GLI3: variants seen among roughly 807,000 people sequenced by gnomAD.
GLI3 encodes GLI family zinc finger 3.
In GLI3, 20 loss-of-function variants were observed where a neutral mutation model predicts 100.8. The ratio of observed to expected loss-of-function variants is 0.20; its 90% CI spans 0.14 to 0.29. The LOEUF (loss-of-function observed/expected upper bound fraction) is 0.29. Ranked by LOEUF, GLI3 falls within the 10% of genes least tolerant of loss-of-function variation. The pLI, the probability that GLI3 is intolerant of heterozygous loss-of-function variation, is 1.00. For synonymous variants in GLI3, 938 were observed against 860.5 expected (o/e 1.09, Z -1.58); for missense variants, 2,040 against 2,128.5 (o/e 0.96, Z 0.82).
chr7:42,153,732 G>A (rs749193939), intron 2 of GLI3, among the ~76,000 whole-genome samples: 1 of 152,160 alleles, frequency 6.6e-6, no homozygotes, highest in Non-Finnish European at 1.5e-5. Context: ...ACGTTCAAAT[G>A]AATTAAAATA....
At chr7:42,087,729 T>C (rs1785132295) in intron 3 of GLI3, among the ~76,000 whole-genome samples, 1 of 146,310 alleles carries the variant, frequency 6.8e-6, no homozygotes, top group South Asian at 2.2e-4. Flanking sequence ...TTTTTTTTTT[T>C]CATCAATAAC....
intron 2 of GLI3, among the ~76,000 whole-genome samples, chr7:42,161,067 C>T (rs982134315): frequency 1.3e-5 from 2 of 152,052 alleles, no homozygotes; most frequent in South Asian, 2.1e-4. Context: ...GAAATTTTCC[C>T]GAGGAATACA....
intron 2 of GLI3, among the ~76,000 whole-genome samples, chr7:42,192,450 G>A (rs1214666141): frequency 6.6e-6 from 1 of 151,862 alleles, no homozygotes; most frequent in East Asian, 1.9e-4. Context: ...CCTGAGACAA[G>A]GTATAGATAA....
intron 3 of GLI3, among the ~76,000 whole-genome samples, chr7:42,101,427 C>T (rs2128761980): frequency 6.6e-6 from 1 of 152,150 alleles, no homozygotes; most frequent in East Asian, 1.9e-4. Flanking sequence ...ACGTCAAGAC[C>T]TGGTCTCTAC....
chr7:42,235,672 A>AT (rs1446848960), intron 1 of GLI3, among the ~76,000 whole-genome samples: 2 of 152,164 alleles, frequency 1.3e-5, no homozygotes, highest in Non-Finnish European at 2.9e-5. Flanking sequence ...AGCAGGAGGT[A>AT]TTTTTTAGAA....
chr7:42,262,825 T>A, intron 1 of GLI3, among the ~76,000 whole-genome samples: 1 of 152,344 alleles, frequency 6.6e-6, no homozygotes, highest in South Asian at 2.1e-4. Flanking sequence ...TACATACATT[T>A]TATTTATCTT....
At chr7:42,049,611 C>G (rs755352218) in intron 4 of GLI3, among the ~76,000 whole-genome samples, 1 of 152,204 alleles carries the variant, frequency 6.6e-6, no homozygotes, top group Non-Finnish European at 1.5e-5. Flanking sequence ...CTTGCTACCA[C>G]GATATCCTGA....
chr7:41,977,771 GC>G, intron 11 of GLI3, 49 bp from the exon 12 acceptor site: 1 of 1,528,436 alleles, frequency 6.5e-7, no homozygotes, highest in Non-Finnish European at 9.1e-7. Flanking sequence ...GGCAACAGCA[GC>G]TTATGCCTAA....
chr7:42,124,587 C>G (rs1019102082), intron 3 of GLI3, among the ~76,000 whole-genome samples: 2 of 152,134 alleles, frequency 1.3e-5, no homozygotes, highest in African/African-American at 4.8e-5. Context: ...CATCTCTGTC[C>G]CCAACCAAGT....
chr7:42,128,905 A>G (rs1223921105), intron 3 of GLI3, among the ~76,000 whole-genome samples: 1 of 152,236 alleles, frequency 6.6e-6, no homozygotes, highest in Admixed American at 6.5e-5. Context: ...TCAAGGTCAC[A>G]CTGCCAGAAG....
chr7:42,062,029 T>C (rs1230978797), intron 4 of GLI3, among the ~76,000 whole-genome samples: 1 of 152,146 alleles, frequency 6.6e-6, no homozygotes, highest in African/African-American at 2.4e-5. Context: ...ATTCATCTGA[T>C]TGGAAATGTC....
intron 1 of GLI3, among the ~76,000 whole-genome samples, chr7:42,231,152 G>C (rs1359844749): frequency 6.6e-6 from 1 of 152,190 alleles, no homozygotes; most frequent in Non-Finnish European, 1.5e-5. Flanking sequence ...GGAGTAGAGT[G>C]TATGTTCCAT....
intron 3 of GLI3, among the ~76,000 whole-genome samples, chr7:42,144,541 C>CT (rs552035297): frequency 3.0e-4 from 45 of 148,230 alleles, no homozygotes; most frequent in Non-Finnish European, 4.5e-4. Context: ...TTTCTTTTTT[C>CT]TTTTTTTTTT....
rs763631985 is a variant in GLI3 at position 41,964,951 on chromosome 7, C to G, written c.4122G>C (p.Pro1374=). 4 of 1,613,634 alleles carry G rather than the reference C, an allele frequency of 2.5e-6. No individual in the cohort carries two copies. Among genetic ancestry groups the G allele is most frequent in the African/African-American group, 1.3e-5 (1 of 74,944 alleles). The change falls in exon 15 of 15, where the codon CCG becomes CCC. Residue 1374 remains proline (P), a synonymous_variant. Coordinates refer to ENST00000395925, the MANE Select transcript of GLI3 (RefSeq NM_000168.6). ...AGCCCCTGACAACTGCCAAGCTTGACGGCTGGCTGCCCATGCCGTGAGCCC... is the reference window on the plus strand; with the variant it reads ...AGCCCCTGACAACTGCCAAGCTTGAGGGCTGGCTGCCCATGCCGTGAGCCC... ...LPGAHGMGSQ[P]SSLAVVRGYQ...
Position 42,113,892 on chromosome 7 carries a change from C to T in GLI3, c.367+34334G>A, listed in dbSNP as rs1334353635. ...TGGCTCCCAGGAGGAGGGGGGACTC[C>T]CTGACTTTGATACACATGTCCACCT... On this transcript the variant is annotated intron_variant, in intron 3 of 14. Transcript: ENST00000395925. Among the ~76,000 whole-genome samples, 6 of 152,142 alleles carry T rather than the reference C, an allele frequency of 3.9e-5. No homozygotes were observed. The East Asian group carries it at 9.6e-4, about 24-fold the overall frequency.
chr7:42,052,762 TATTA>T (rs1265041973), intron 4 of GLI3, among the ~76,000 whole-genome samples: 8 of 152,226 alleles, frequency 5.3e-5, no homozygotes, highest in African/African-American at 1.4e-4. Context: ...TGTGGTCACT[TATTA>T]ATTGTTTCCA....
intron 7 of GLI3, among the ~76,000 whole-genome samples, chr7:42,031,218 C>T (rs73688622): frequency 0.037 from 5,662 of 152,214 alleles, 238 homozygotes; most frequent in African/African-American, 0.1. Flanking sequence ...GTTATTATTT[C>T]TAAAATTACT....
rs552913963 is a variant in GLI3 at position 42,141,114 on chromosome 7, C to T, written c.367+7112G>A. Reference sequence around the variant, plus strand: ...GGGCCTCCCATCAACATGGATCAGACGCATACTTGGATGCTAAGTTGGGAA... The same window carrying T: ...GGGCCTCCCATCAACATGGATCAGATGCATACTTGGATGCTAAGTTGGGAA... On this transcript the variant is annotated intron_variant, in intron 3 of 14. Coordinates refer to ENST00000395925, the MANE Select transcript of GLI3 (RefSeq NM_000168.6). Among the ~76,000 whole-genome samples, 173 of 152,270 alleles carry T rather than the reference C, an allele frequency of 1.1e-3. 2 individuals are homozygous for T. The highest frequency in any genetic ancestry group is 3.4e-3 in the Middle Eastern group (1 of 294).
At position 41,967,609 on chromosome 7, in the gene GLI3, A is replaced by C. The variant is rs763297287; in HGVS notation, c.2418T>G (p.Pro806=). 1 of 1,612,474 alleles carries C rather than the reference A, an allele frequency of 6.2e-7. No individual in the cohort carries two copies. Among genetic ancestry groups the C allele is most frequent in the South Asian group, 1.1e-5 (1 of 91,046 alleles). ...TGTAGAACTCACCATTTCCTATGAG[A>C]GGAGAGACCGCAGGGGCTTTAGGGG... ...ILPPKAPAVS[P]LIGNGTQSNN... Residue 806 remains proline, a synonymous_variant, in exon 14 of 15, where the codon CCT becomes CCG. Coordinates refer to ENST00000395925, the MANE Select transcript of GLI3 (RefSeq NM_000168.6).
Sources: gnomAD v4.1 joint callset for allele counts (sites outside exome capture counted in the v4.1 genomes callset) on GRCh38, gnomAD v4.1.1 for gene constraint, MANE v1.5 for transcripts, NCBI Gene and HGNC (gene_info 2026-07-23, HGNC 2026-07-21) for gene names.